The following N4BP2L2 variants were observed in gnomAD, a reference collection of about 807,000 sequenced individuals.
N4BP2L2 encodes NEDD4-binding protein 2-like 2.
Under a neutral mutation model 56.2 loss-of-function variants are expected in N4BP2L2, and 50 were observed. That is an observed-to-expected ratio of 0.89 (90% CI 0.71 to 1.13). The LOEUF (loss-of-function observed/expected upper bound fraction) is 1.13, where lower values mean the gene tolerates loss of function less well. Among genes scored for constraint, N4BP2L2 ranks in the 50% most tolerant of loss-of-function variants. The probability of loss-of-function intolerance (pLI) is 0.00; values close to 1 mark genes in which losing one functional copy is unlikely to be tolerated. For missense variants in N4BP2L2, 689 were observed against 693.8 expected, an observed-to-expected ratio of 0.99 and a Z score of 0.08; for synonymous variants, 203 against 223.6, an observed-to-expected ratio of 0.91 and a Z score of 0.82.
Position 32,493,574 on chromosome 13 carries a change from C to T in N4BP2L2, c.365+24283G>A, listed in dbSNP as rs185749419. 3.0e-4 allele frequency among the ~76,000 whole-genome samples: 45 copies of T among 152,228 alleles called. 2 individuals are homozygous for T. In the East Asian group the frequency reaches 4.6e-3, roughly 16 times the overall value. ...TGGGTACTGTGAGTTGGATGAGTCCCCCCGCCCCTCAAGACCAAAATTACA... is the reference window on the plus strand; with the variant it reads ...TGGGTACTGTGAGTTGGATGAGTCCTCCCGCCCCTCAAGACCAAAATTACA... On this transcript the variant is annotated intron_variant, in intron 6 of 9. Coordinates refer to the N4BP2L2 transcript ENST00000357505.
chr13:32,496,685 C>T (rs763613017), intron 6 of N4BP2L2, among the ~76,000 whole-genome samples: 13 of 152,080 alleles, frequency 8.5e-5, no homozygotes, highest in Non-Finnish European at 1.9e-4. Flanking sequence ...TGGCCACATT[C>T]TTTTTTTAAA....
At chr13:32,512,477 G>A (rs573147713) in exon 6 of N4BP2L2, 2 of 152,142 alleles carry the variant, frequency 1.3e-5, no homozygotes, top group South Asian at 4.1e-4. Flanking sequence ...TCTGGGAAGT[G>A]AATTATAATG....
chr13:32,507,409 T>C (rs1227608699), downstream of N4BP2L2: 4 of 152,162 alleles, frequency 2.6e-5, no homozygotes, highest in African/African-American at 9.7e-5. Flanking sequence ...GACTACTTAA[T>C]GAGCTCCTAC....
chr13:32,444,542 C>T (rs1319952571), intron 6 of N4BP2L2, among the ~76,000 whole-genome samples: 2 of 152,186 alleles, frequency 1.3e-5, no homozygotes, highest in Non-Finnish European at 2.9e-5. Context: ...GCTGGGATTA[C>T]AGGCATGAGC....
chr13:32,530,250 T>C (rs1052638355), intron 2 of N4BP2L2, among the ~76,000 whole-genome samples: 1 of 152,136 alleles, frequency 6.6e-6, no homozygotes, highest in African/African-American at 2.4e-5. Flanking sequence ...AAAAGACTTT[T>C]CCTCCCAGGC....
chr13:32,526,818 G>GTTTTTTTTCTT (rs2053007178), intron 3 of N4BP2L2: 1 of 24,236 alleles, frequency 4.1e-5, no homozygotes, highest in Non-Finnish European at 7.9e-5. Context: ...CTTTTTGTCT[G>GTTTTTTTTCTT]TTTTTTTTTT....
At position 32,479,135 on chromosome 13, in the gene N4BP2L2, CA is replaced by C. The variant is rs560546697; in HGVS notation, c.366-35010del. ...GGACAACAAGAGCAAAACTTTGTCT[CA>C]AAAAAAAAATAAAAAAGAACGTTAT... is the stretch of plus-strand genomic sequence containing the variant. On this transcript the variant is annotated intron_variant, in intron 6 of 9. Transcript: ENST00000357505. Among the ~76,000 whole-genome samples the C allele has an allele frequency of 1.1e-3, 145 of 134,084 alleles. 2 individuals carry two copies. Among genetic ancestry groups the C allele is most frequent in the African/African-American group, 3.6e-3 (130 of 36,136 alleles). 88.0% of individuals were successfully genotyped at this position (134,084 alleles called of 152,430 possible).
At chr13:32,506,672 A>G (rs1435584992), downstream of N4BP2L2, 1 of 152,222 alleles carries the variant, frequency 6.6e-6, no homozygotes, top group Non-Finnish European at 1.5e-5. Flanking sequence ...AATCTGAAGG[A>G]CAAGAACGGA....
intron 6 of N4BP2L2, among the ~76,000 whole-genome samples, chr13:32,445,685 C>T (rs2076953504): frequency 6.6e-6 from 1 of 152,190 alleles, no homozygotes; most frequent in Admixed American, 6.5e-5. Flanking sequence ...TGTGTTACCA[C>T]ACATTACCAA....
intron 6 of N4BP2L2, among the ~76,000 whole-genome samples, chr13:32,491,621 A>G (rs922267952): frequency 9.6e-6 from 1 of 104,470 alleles, no homozygotes; most frequent in African/African-American, 4.1e-5. Flanking sequence ...TATGTATATT[A>G]TATATATATA....
exon 6 of N4BP2L2, chr13:32,517,754 ACT>A (rs780423374): frequency 5.6e-6 from 9 of 1,600,814 alleles, no homozygotes; most frequent in Non-Finnish European, 5.1e-6. Flanking sequence ...AGGCTCACTA[ACT>A]CTTTTTCAAG....
chr13:32,506,462 A>C (rs1385985516), downstream of N4BP2L2: 1 of 152,190 alleles, frequency 6.6e-6, no homozygotes, highest in East Asian at 1.9e-4. Flanking sequence ...TATTGTATGA[A>C]TATTGAATAC....
chr13:32,471,542 C>G (rs898078077), intron 6 of N4BP2L2, among the ~76,000 whole-genome samples: 1 of 152,254 alleles, frequency 6.6e-6, no homozygotes, highest in Non-Finnish European at 1.5e-5. Flanking sequence ...CCAGAGTTGT[C>G]CATCTTGTAG....
intron 6 of N4BP2L2, among the ~76,000 whole-genome samples, chr13:32,489,687 C>G (rs2139305814): frequency 6.6e-6 from 1 of 151,570 alleles, no homozygotes; most frequent in African/African-American, 2.4e-5. Flanking sequence ...CTAACATTAA[C>G]TCCAATTCTA....
downstream of N4BP2L2, chr13:32,508,654 A>T (rs549034160): frequency 3.9e-5 from 6 of 152,330 alleles, no homozygotes; most frequent in South Asian, 1.2e-3. Flanking sequence ...ATAATGACCC[A>T]ATATATATTA....
In N4BP2L2 at chr13:32,454,684, A is replaced by G. The variant is rs575734857; in HGVS notation, c.366-10558T>C. Among the ~76,000 whole-genome samples, 5 of 152,382 alleles carry G rather than the reference A, an allele frequency of 3.3e-5. No individual in the cohort carries two copies. In the South Asian group the frequency reaches 1.0e-3, roughly 32 times the overall value. On this transcript the variant is annotated intron_variant, in intron 6 of 9. Coordinates refer to the N4BP2L2 transcript ENST00000357505. ...AACAATGTCTCACCAAATAATTAAT[A>G]TCAATAAATAGATGGAAGTTAGAAG...
chr13:32,468,255 G>A (rs1467971735), intron 6 of N4BP2L2, among the ~76,000 whole-genome samples: 1 of 142,884 alleles, frequency 7.0e-6, no homozygotes, highest in Admixed American at 7.1e-5. Context: ...GAGGTCATTA[G>A]TGCAAAAAGA....
chr13:32,436,893 T>TATTA (rs2075589952), intron 8 of N4BP2L2, among the ~76,000 whole-genome samples: 1 of 150,936 alleles, frequency 6.6e-6, no homozygotes, highest in South Asian at 2.1e-4. Context: ...TTTATTTATT[T>TATTA]ATTTAGAGAC....
chr13:32,479,640 C>T (rs999495654), intron 6 of N4BP2L2, among the ~76,000 whole-genome samples: 16 of 150,294 alleles, frequency 1.1e-4, no homozygotes, highest in African/African-American at 2.9e-4. Context: ...AAAAAGGATC[C>T]CCAAAATGTA....
Sources: allele counts gnomAD v4.1 joint callset (sites outside exome capture counted in the v4.1 genomes callset), GRCh38; gene constraint gnomAD v4.1.1; transcripts MANE v1.5; gene names NCBI Gene and HGNC (gene_info 2026-07-23, HGNC 2026-07-21).